PALM2AKAP2: variants seen among roughly 807,000 people sequenced by gnomAD.
PALM2AKAP2 encodes the protein PALM2-AKAP2 fusion protein.
PALM2AKAP2 carries 37 observed loss-of-function variants against 71.5 expected under a neutral mutation model. The observed-to-expected ratio is 0.52, with a 90% CI of 0.40 to 0.68. The LOEUF (loss-of-function observed/expected upper bound fraction) is 0.68, where lower values mean the gene tolerates loss of function less well. PALM2AKAP2 is among the 30% of genes least tolerant of loss of function. The pLI is 0.00. For missense variants in PALM2AKAP2, 1,224 were observed against 1,191.8 expected, an observed-to-expected ratio of 1.03 and a Z score of -0.40; for synonymous variants, 468 against 478.8, an observed-to-expected ratio of 0.98 and a Z score of 0.29.
At chr9:109,812,904 G>C (rs734682) in intron 1 of PALM2AKAP2, among the ~76,000 whole-genome samples, 2 of 152,218 alleles carry the variant, frequency 1.3e-5, no homozygotes, top group Admixed American at 1.3e-4. Flanking sequence ...CATAAGATAA[G>C]AGGTAGGGAA....
intron 1 of PALM2AKAP2, among the ~76,000 whole-genome samples, chr9:109,805,124 G>T (rs1827537013): frequency 6.6e-6 from 1 of 152,196 alleles, no homozygotes; most frequent in African/African-American, 2.4e-5. Flanking sequence ...AACAGCTTAA[G>T]GGTTTTTGTT....
intron 6 of PALM2AKAP2, among the ~76,000 whole-genome samples, chr9:110,005,524 G>C (rs1351846858): frequency 6.6e-6 from 1 of 152,230 alleles, no homozygotes; most frequent in African/African-American, 2.4e-5. Context: ...CCAGCTGTGT[G>C]CTGGGAGAAC....
chr9:109,872,822 A>T (rs1299166850), intron 2 of PALM2AKAP2, among the ~76,000 whole-genome samples: 1 of 152,124 alleles, frequency 6.6e-6, no homozygotes, highest in East Asian at 1.9e-4. Flanking sequence ...TGTTACTGGG[A>T]TGTGTGAAAG....
intron 1 of PALM2AKAP2, among the ~76,000 whole-genome samples, chr9:109,746,367 C>T (rs925389934): frequency 2.0e-5 from 3 of 152,196 alleles, no homozygotes; most frequent in African/African-American, 7.2e-5. Context: ...GGGGGAATGT[C>T]TTTCCCATTA....
chr9:109,994,265 A>G (rs10739287), intron 6 of PALM2AKAP2, among the ~76,000 whole-genome samples: 133,990 of 152,278 alleles, frequency 0.88, 59,258 homozygotes, highest in African/African-American at 0.97. Context: ...ACATGACGGC[A>G]GAGGAAGACT....
chr9:109,964,090 G>C (rs974000090), intron 6 of PALM2AKAP2, among the ~76,000 whole-genome samples: 1 of 152,232 alleles, frequency 6.6e-6, no homozygotes, highest in African/African-American at 2.4e-5. Context: ...CTTAGTAAGA[G>C]AGAACATAAA....
At chr9:110,136,553 A>G in exon 2 of PALM2AKAP2, 1 of 1,613,480 alleles carries the variant, frequency 6.2e-7, no homozygotes, top group Non-Finnish European at 8.5e-7. Context: ...CACTGAAAGA[A>G]CAGCTAGCCG....
intron 1 of PALM2AKAP2, among the ~76,000 whole-genome samples, chr9:109,743,178 G>A (rs1587890919): frequency 1.3e-5 from 2 of 152,142 alleles, no homozygotes; most frequent in African/African-American, 4.8e-5. Context: ...ATAAAAAAAG[G>A]GAGGGATCTT....
At position 110,090,490 on chromosome 9, in the gene PALM2AKAP2, C is replaced by T. The variant is rs1020368567; in HGVS notation, c.156+41635C>T. ...ACTTACACCTTTCATGCCTCAAGCTCATTAAGGCACATTTCTCTTTTATTC... is the reference window on the plus strand; with the variant it reads ...ACTTACACCTTTCATGCCTCAAGCTTATTAAGGCACATTTCTCTTTTATTC... On this transcript the variant is annotated intron_variant, in intron 1 of 3. Coordinates refer to ENST00000374525, the Ensembl canonical transcript of PALM2AKAP2. 6.6e-6 allele frequency: 3 copies of T among 453,952 alleles called. No individual in the cohort carries two copies. In the Admixed American group the frequency reaches 7.1e-5, roughly 11 times the overall value. The allele number at this position is 453,952 out of a possible 1,614,324, so 28.1% of individuals were successfully genotyped here.
chr9:109,712,759 C>T (rs78384667), intron 1 of PALM2AKAP2, among the ~76,000 whole-genome samples: 6,393 of 152,214 alleles, frequency 0.042, 186 homozygotes, highest in Non-Finnish European at 0.053. Flanking sequence ...ATTTGGGAGC[C>T]CTCTGTGGCT....
rs778652350 is a variant in PALM2AKAP2 at position 110,126,121 on chromosome 9, G to C, written c.157-10006G>C. ...GTTTTGGGGGGAATGTGTGGTGCTT[G>C]TCTCTTGGAGGTCCCATGGGTATGG... is the stretch of plus-strand genomic sequence containing the variant. On this transcript the variant is annotated intron_variant, in intron 1 of 3. Coordinates refer to ENST00000374525, the Ensembl canonical transcript of PALM2AKAP2. Among the ~76,000 whole-genome samples, 6 of 152,166 alleles carry C rather than the reference G, an allele frequency of 3.9e-5. No individual in the cohort carries two copies. The South Asian group carries it at 8.3e-4, about 21-fold the overall frequency.
chr9:110,031,875 G>C (rs1377515742), intron 7 of PALM2AKAP2, among the ~76,000 whole-genome samples: 2 of 152,262 alleles, frequency 1.3e-5, no homozygotes, highest in African/African-American at 4.8e-5. Flanking sequence ...CAAAGCTGGA[G>C]TTTACCTAGT....
chr9:109,666,339 C>A (rs753688716), intron 1 of PALM2AKAP2, among the ~76,000 whole-genome samples: 15 of 152,120 alleles, frequency 9.9e-5, no homozygotes, highest in Non-Finnish European at 2.1e-4. Context: ...CACAAAGTAT[C>A]TTTTTAAATG....
chr9:110,032,326 A>C (rs1037678398), intron 7 of PALM2AKAP2, among the ~76,000 whole-genome samples: 15 of 151,888 alleles, frequency 9.9e-5, no homozygotes, highest in Non-Finnish European at 1.9e-4. Context: ...TGGGAGGCTG[A>C]GGCAGGAGGA....
At chr9:109,967,651 C>A (rs1406845654) in intron 6 of PALM2AKAP2, among the ~76,000 whole-genome samples, 1 of 152,230 alleles carries the variant, frequency 6.6e-6, no homozygotes, top group African/African-American at 2.4e-5. Context: ...TTCAGGTGAT[C>A]TGCCCGCCTT....
chr9:110,136,050 A>ATAAC (rs1314303742), intron 1 of PALM2AKAP2, 77 bp from the exon 8 acceptor site: 22 of 1,481,672 alleles, frequency 1.5e-5, no homozygotes, highest in Admixed American at 7.4e-5. Flanking sequence ...CCTCTTAATT[A>ATAAC]TGAGTCAGTT....
At chr9:109,880,765 T>TA (rs1829828946) in intron 3 of PALM2AKAP2, 84 bp downstream of exon 3, 1 of 1,505,922 alleles carries the variant, frequency 6.6e-7, no homozygotes, top group African/African-American at 1.4e-5. Context: ...CCTTTCTCAA[T>TA]ACTGTTACCT....
chr9:109,894,956 A>G (rs1275212251), intron 3 of PALM2AKAP2, among the ~76,000 whole-genome samples: 1 of 152,154 alleles, frequency 6.6e-6, no homozygotes, highest in Non-Finnish European at 1.5e-5. Flanking sequence ...CCATTCTGCA[A>G]GATTTACCTT....
chr9:110,166,632 T>C (rs1283919665), intron 3 of PALM2AKAP2, among the ~76,000 whole-genome samples: 1 of 152,240 alleles, frequency 6.6e-6, no homozygotes, highest in Non-Finnish European at 1.5e-5. Context: ...AAACACATTA[T>C]GCAAAACACA....
Sources: gnomAD v4.1 joint callset for allele counts (sites outside exome capture counted in the v4.1 genomes callset) on GRCh38, gnomAD v4.1.1 for gene constraint, MANE v1.5 for transcripts, NCBI Gene and HGNC (gene_info 2026-07-23, HGNC 2026-07-21) for gene names.